The following SEMA6D variants were observed in gnomAD, a reference collection of about 807,000 sequenced individuals.
SEMA6D encodes the protein semaphorin 6D, also known as semaphorin-6D.
In SEMA6D, 35 loss-of-function variants were observed where a neutral mutation model predicts 106.6. That is an observed-to-expected ratio of 0.33 (90% CI 0.25 to 0.44). SEMA6D has a LOEUF of 0.44. Among genes scored for constraint, SEMA6D ranks in the 20% least tolerant of loss-of-function variants. SEMA6D has a pLI of 1.00. For synonymous variants in SEMA6D, 499 were observed against 487.7 expected (o/e 1.02, Z -0.31); for missense variants, 1,185 against 1,345.9 (o/e 0.88, Z 1.87).
At chr15:47,624,881 A>G (rs938291163) in intron 4 of SEMA6D, among the ~76,000 whole-genome samples, 1 of 152,212 alleles carries the variant, frequency 6.6e-6, no homozygotes, top group Non-Finnish European at 1.5e-5. Context: ...TATTTTGTCA[A>G]ATTAGTGAAG....
chr15:47,248,065 C>T (rs2033300242), intron 1 of SEMA6D, among the ~76,000 whole-genome samples: 1 of 152,128 alleles, frequency 6.6e-6, no homozygotes, highest in Admixed American at 6.5e-5. Context: ...TTCAAAGTAC[C>T]TTATAAATAC....
At chr15:47,521,075 T>C (rs1204415211) in intron 3 of SEMA6D, among the ~76,000 whole-genome samples, 1 of 152,210 alleles carries the variant, frequency 6.6e-6, no homozygotes, top group Non-Finnish European at 1.5e-5. Context: ...GGTGTTGGCT[T>C]GGAGGGCCTT....
intron 1 of SEMA6D, among the ~76,000 whole-genome samples, chr15:47,733,502 A>G (rs1048357532): frequency 1.3e-5 from 2 of 152,190 alleles, no homozygotes; most frequent in African/African-American, 4.8e-5. Flanking sequence ...CTCAGGCTTC[A>G]TTGAATACGA....
chr15:47,332,590 T>G (rs2144148060), intron 1 of SEMA6D, among the ~76,000 whole-genome samples: 1 of 152,308 alleles, frequency 6.6e-6, no homozygotes, highest in Non-Finnish European at 1.5e-5. Context: ...TAACTCAAGA[T>G]GATTTTCTAA....
At chr15:47,489,669 T>C (rs771047295) in intron 3 of SEMA6D, among the ~76,000 whole-genome samples, 42 of 152,064 alleles carry the variant, frequency 2.8e-4, no homozygotes, top group African/African-American at 9.9e-4. Flanking sequence ...TTTTTTTTTT[T>C]GAGACGGAGT....
intron 3 of SEMA6D, among the ~76,000 whole-genome samples, chr15:47,551,324 T>C (rs1566880486): frequency 6.6e-6 from 1 of 152,006 alleles, no homozygotes; most frequent in East Asian, 1.9e-4. Context: ...CTCCATTTGG[T>C]TGGGGGCAGG....
chr15:47,372,577 A>G (rs1455248421), intron 1 of SEMA6D, among the ~76,000 whole-genome samples: 1 of 152,044 alleles, frequency 6.6e-6, no homozygotes, highest in Non-Finnish European at 1.5e-5. Context: ...CTTACAAAGC[A>G]CACATCTGCA....
In SEMA6D at chr15:47,718,305, C is replaced by T. The variant is rs2079210467; in HGVS notation, c.-55+613C>T. On this transcript the variant is annotated intron_variant, in intron 1 of 18. Transcript: ENST00000536845. ...CTGCGCCCGGCTAGGAGCGGGCGGGCGAGCATTAGCCTGCGTCCTGGAGAA... is the reference window on the plus strand; with the variant it reads ...CTGCGCCCGGCTAGGAGCGGGCGGGTGAGCATTAGCCTGCGTCCTGGAGAA... Among the ~76,000 whole-genome samples, 3 of 152,262 alleles carry T rather than the reference C, an allele frequency of 2.0e-5. No homozygotes were observed. The East Asian group carries it at 5.8e-4, about 30-fold the overall frequency.
At chr15:47,211,713 T>C (rs1008142079) in intron 1 of SEMA6D, among the ~76,000 whole-genome samples, 3 of 152,282 alleles carry the variant, frequency 2.0e-5, no homozygotes, top group Admixed American at 2.0e-4. Context: ...AATTTACTTA[T>C]AATCACAACT....
chr15:47,457,350 G>A (rs2042374851), intron 2 of SEMA6D, among the ~76,000 whole-genome samples: 1 of 151,736 alleles, frequency 6.6e-6, no homozygotes, highest in African/African-American at 2.4e-5. Flanking sequence ...CGTTTTATTA[G>A]GAGAAATAAC....
intron 4 of SEMA6D, among the ~76,000 whole-genome samples, chr15:47,602,498 G>T (rs1373961383): frequency 1.3e-5 from 2 of 152,000 alleles, no homozygotes; most frequent in Non-Finnish European, 2.9e-5. Context: ...AATGCTGGGA[G>T]GGGGGCTTGT....
intron 2 of SEMA6D, among the ~76,000 whole-genome samples, chr15:47,415,524 C>T (rs918498952): frequency 2.6e-5 from 4 of 152,146 alleles, no homozygotes; most frequent in African/African-American, 9.7e-5. Context: ...TACCCGCTCC[C>T]GTCTCCTTTC....
chr15:47,669,260 C>T (rs1315713900), intron 4 of SEMA6D, among the ~76,000 whole-genome samples: 3 of 152,184 alleles, frequency 2.0e-5, no homozygotes, highest in African/African-American at 7.2e-5. Context: ...ATTTCCTCTC[C>T]ACATTTTTCG....
intron 1 of SEMA6D, among the ~76,000 whole-genome samples, chr15:47,756,319 G>T (rs1327260678): frequency 6.6e-6 from 1 of 152,000 alleles, no homozygotes; most frequent in Non-Finnish European, 1.5e-5. Context: ...TGTACAAGAT[G>T]AAGGAATGAA....
chr15:47,248,404 A>G (rs2033319937), intron 1 of SEMA6D, among the ~76,000 whole-genome samples: 2 of 152,332 alleles, frequency 1.3e-5, no homozygotes, highest in Admixed American at 1.3e-4. Flanking sequence ...GGGAAAACCC[A>G]GCATTCATGG....
chr15:47,478,123 T>C (rs2043050167), intron 3 of SEMA6D, among the ~76,000 whole-genome samples: 1 of 152,026 alleles, frequency 6.6e-6, no homozygotes, highest in Non-Finnish European at 1.5e-5. Context: ...ACAGCATATA[T>C]ATGTAACCAC....
chr15:47,303,080 T>G (rs184233405), intron 1 of SEMA6D, among the ~76,000 whole-genome samples: 2 of 152,272 alleles, frequency 1.3e-5, no homozygotes, highest in Admixed American at 6.5e-5. Flanking sequence ...TTGTCTTACT[T>G]CTCCAGATAC....
intron 4 of SEMA6D, among the ~76,000 whole-genome samples, chr15:47,659,171 T>C (rs1389767105): frequency 1.3e-5 from 2 of 151,988 alleles, no homozygotes; most frequent in Non-Finnish European, 2.9e-5. Context: ...TTCCAAAATA[T>C]ACAAATAATG....
At chr15:47,500,256 T>C (rs1164664980) in intron 3 of SEMA6D, among the ~76,000 whole-genome samples, 1 of 152,118 alleles carries the variant, frequency 6.6e-6, no homozygotes, top group East Asian at 1.9e-4. Context: ...TTTCATTCTT[T>C]CTGTAGCTAT....
Sources: gnomAD v4.1 joint callset for allele counts (sites outside exome capture counted in the v4.1 genomes callset) on GRCh38, gnomAD v4.1.1 for gene constraint, MANE v1.5 for transcripts, NCBI Gene and HGNC (gene_info 2026-07-23, HGNC 2026-07-21) for gene names.